The following RPS6KC1 variants were observed in gnomAD, a reference collection of about 807,000 sequenced individuals.
RPS6KC1 encodes ribosomal protein S6 kinase C1, also known as inactive ribosomal protein S6 kinase delta-1.
A neutral mutation model predicts 103.8 loss-of-function variants in RPS6KC1; 54 were observed. The observed-to-expected ratio is 0.52, with a 90% confidence interval of 0.42 to 0.65. The LOEUF (loss-of-function observed/expected upper bound fraction) is 0.65. RPS6KC1 is among the 30% of genes least tolerant of loss of function. The pLI, the probability that RPS6KC1 is intolerant of heterozygous loss-of-function variation, is 0.00. For synonymous variants in RPS6KC1, 439 were observed against 438.7 expected, an observed-to-expected ratio of 1.00 and a Z score of -0.01; for missense variants, 1,151 against 1,253.8, an observed-to-expected ratio of 0.92 and a Z score of 1.24.
At chr1:213,137,082 C>G (rs2086357170) in intron 6 of RPS6KC1, among the ~76,000 whole-genome samples, 2 of 152,126 alleles carry the variant, frequency 1.3e-5, no homozygotes, top group South Asian at 4.1e-4. Flanking sequence ...CTCTTCTCTG[C>G]AATTTCCATT....
downstream of RPS6KC1, among the ~76,000 whole-genome samples, chr1:213,276,836 A>T (rs754826435): frequency 2.0e-5 from 3 of 152,198 alleles, no homozygotes; most frequent in Non-Finnish European, 2.9e-5. Context: ...ATAGCAGTAC[A>T]TAAAGGTGAA....
rs150603461 is a variant in RPS6KC1, at chr1:213,224,947, T to G, written c.1045-5550T>G. Among the ~76,000 whole-genome samples, 9 of 150,638 alleles carry G rather than the reference T, an allele frequency of 6.0e-5. No homozygotes were observed. In the East Asian group the frequency reaches 1.8e-3, roughly 31 times the overall value. ...AGATACAGATGTTAAATGCAGTCGT[T>G]TCTCTTTGTGTACAGCTGTATGGCT... On this transcript the variant is annotated intron_variant, in intron 8 of 14. Transcript: ENST00000366960.
At chr1:213,507,599 G>C in the RPS6KC1 span, among the ~76,000 whole-genome samples, 1 of 147,714 alleles carries the variant, frequency 6.8e-6, no homozygotes, top group Non-Finnish European at 1.5e-5. Flanking sequence ...TCAGGTGCCT[G>C]TGGTCCCATC....
At chr1:213,075,231 A>AC (rs939893580) in intron 2 of RPS6KC1, among the ~76,000 whole-genome samples, 8 of 151,982 alleles carry the variant, frequency 5.3e-5, no homozygotes, top group African/African-American at 1.9e-4. Context: ...GGTCATAATG[A>AC]CCTTAACCTT....
Position 213,058,086 on chromosome 1 carries a change from A to G in RPS6KC1, c.105+6577A>G, listed in dbSNP as rs1415512971. ...TTTTTTTTTTTTTTTTTTTTTTTTT[A>G]GAGATGGGGTCTTGCTGTGTTGCCA... On this transcript the variant is annotated intron_variant, in intron 1 of 14. Transcript: ENST00000366960. Among the ~76,000 whole-genome samples the G allele has an allele frequency of 5.1e-4, 24 of 46,846 alleles. No individual in the cohort carries two copies. In the East Asian group the frequency reaches 8.8e-3, roughly 17 times the overall value. The allele number at this position is 46,846 out of a possible 152,430, so 30.7% of individuals were successfully genotyped here.
At chr1:213,400,917 G>T in the RPS6KC1 span, among the ~76,000 whole-genome samples, 7 of 152,128 alleles carry the variant, frequency 4.6e-5, no homozygotes, top group Non-Finnish European at 1.0e-4. Flanking sequence ...AAGTTGGCCA[G>T]GCTGGTCTCG....
chr1:213,495,885 T>C, the RPS6KC1 span, among the ~76,000 whole-genome samples: 645 of 152,308 alleles, frequency 4.2e-3, 2 homozygotes, highest in Non-Finnish European at 7.7e-3. Context: ...TACAAGGTAA[T>C]CATAATAATC....
At chr1:213,329,391 C>A in the RPS6KC1 span, among the ~76,000 whole-genome samples, 1 of 152,052 alleles carries the variant, frequency 6.6e-6, no homozygotes, top group Non-Finnish European at 1.5e-5. Context: ...AAGGCCAGAG[C>A]AGGCCCCAGA....
the RPS6KC1 span, among the ~76,000 whole-genome samples, chr1:213,404,066 G>A: frequency 2.0e-5 from 3 of 152,162 alleles, no homozygotes; most frequent in Non-Finnish European, 4.4e-5. Flanking sequence ...GTGGATAGTC[G>A]CGGGGGCTGG....
chr1:213,297,366 C>T, the RPS6KC1 span, among the ~76,000 whole-genome samples: 2 of 152,214 alleles, frequency 1.3e-5, no homozygotes, highest in East Asian at 1.9e-4. Context: ...AGGCCTTGTT[C>T]ATGTACCTGT....
chr1:213,433,079 C>T, the RPS6KC1 span, among the ~76,000 whole-genome samples: 1 of 152,196 alleles, frequency 6.6e-6, no homozygotes, highest in African/African-American at 2.4e-5. Flanking sequence ...ATCAAGGTGT[C>T]AGCAGGACTG....
chr1:213,777,843 G>T, the RPS6KC1 span, among the ~76,000 whole-genome samples: 1 of 152,138 alleles, frequency 6.6e-6, no homozygotes, highest in Non-Finnish European at 1.5e-5. Flanking sequence ...AATGGTAATA[G>T]CTCTATATTT....
chr1:213,084,522 G>T (rs2080204587), intron 3 of RPS6KC1, among the ~76,000 whole-genome samples: 1 of 152,108 alleles, frequency 6.6e-6, no homozygotes, highest in Non-Finnish European at 1.5e-5. Flanking sequence ...TAAGAATAGG[G>T]ATATTGTATT....
the RPS6KC1 span, among the ~76,000 whole-genome samples, chr1:213,625,675 C>T: frequency 2.6e-5 from 4 of 152,118 alleles, no homozygotes; most frequent in East Asian, 3.8e-4. Context: ...TGAGAACATG[C>T]GGTGTTTGGT....
chr1:213,519,278 C>G, the RPS6KC1 span, among the ~76,000 whole-genome samples: 2 of 151,030 alleles, frequency 1.3e-5, no homozygotes, highest in African/African-American at 2.4e-5. Flanking sequence ...CAAATATACA[C>G]AAAGATAAGA....
the RPS6KC1 span, among the ~76,000 whole-genome samples, chr1:213,441,004 C>T: frequency 6.6e-6 from 1 of 152,210 alleles, no homozygotes; most frequent in Non-Finnish European, 1.5e-5. Flanking sequence ...TGTCTGGGCT[C>T]TCCCCCGTTC....
At chr1:213,532,936 A>T in the RPS6KC1 span, among the ~76,000 whole-genome samples, 20,211 of 152,148 alleles carry the variant, frequency 0.13, 2,152 homozygotes, top group East Asian at 0.28. Context: ...AGGAGCAACT[A>T]ATAGGCTATC....
At chr1:213,117,621 T>C (rs1248918758) in intron 5 of RPS6KC1, among the ~76,000 whole-genome samples, 1 of 152,108 alleles carries the variant, frequency 6.6e-6, no homozygotes, top group Non-Finnish European at 1.5e-5. Context: ...AGCTTTTTTT[T>C]TTCATAGTGG....
chr1:213,137,544 G>A (rs900978420), intron 6 of RPS6KC1, among the ~76,000 whole-genome samples: 1 of 151,028 alleles, frequency 6.6e-6, no homozygotes, highest in South Asian at 2.1e-4. Context: ...TGTTGGTCAG[G>A]CTGGTCTCAA....
Sources: gnomAD v4.1 joint callset for allele counts (sites outside exome capture counted in the v4.1 genomes callset) on GRCh38, gnomAD v4.1.1 for gene constraint, MANE v1.5 for transcripts, NCBI Gene and HGNC (gene_info 2026-07-23, HGNC 2026-07-21) for gene names.